The following PTPRU variants were observed in gnomAD, a reference collection of about 807,000 sequenced individuals.
The protein encoded by PTPRU is receptor-type tyrosine-protein phosphatase U.
In PTPRU, 69 loss-of-function variants were observed where a neutral mutation model predicts 166.3. That is an observed-to-expected ratio of 0.41 (90% CI 0.34 to 0.51). The LOEUF (loss-of-function observed/expected upper bound fraction) is 0.51. Ranked by LOEUF, PTPRU falls within the 20% of genes least tolerant of loss-of-function variation. PTPRU has a pLI of 0.09. For synonymous variants in PTPRU, 793 were observed against 814.0 expected, an observed-to-expected ratio of 0.97 and a Z score of 0.44; for missense variants, 1,657 against 2,013.7, an observed-to-expected ratio of 0.82 and a Z score of 3.39.
At chr1:29,258,330 A>T (rs1457046641) in intron 2 of PTPRU, among the ~76,000 whole-genome samples, 175 bp from the exon 3 acceptor site, 2 of 152,186 alleles carry the variant, frequency 1.3e-5, no homozygotes, top group Non-Finnish European at 2.9e-5. Flanking sequence ...TGTGGGAAAC[A>T]GATGCTAGGA....
At chr1:29,292,095 C>T (rs1008681864) in intron 15 of PTPRU, 69 bp downstream of exon 15, 6 of 1,572,956 alleles carry the variant, frequency 3.8e-6, no homozygotes, top group Non-Finnish European at 5.2e-6. Flanking sequence ...ATAGGGTCCC[C>T]ACATCAGGTG....
rs1442265819 is a variant in PTPRU, at chr1:29,238,561, C to T, written c.73+1844C>T. Among the ~76,000 whole-genome samples the T allele has an allele frequency of 5.9e-5, 9 of 152,340 alleles. No homozygotes were observed. The highest frequency in any genetic ancestry group is 1.3e-4 in the Admixed American group (2 of 15,314). On this transcript the variant is annotated intron_variant, in intron 1 of 29. Transcript: ENST00000373779. The surrounding 1 kb of genome is among the most constrained non-coding windows in gnomAD (Gnocchi z 6.1). ...TCTCGGGCCGGAACTCCTGTGGCTC[C>T]AGCGTTCGCGCCGGCCACTGGCCAG...
At position 29,257,934 on chromosome 1, in the gene PTPRU, G is replaced by A. The variant is rs1684843465; in HGVS notation, c.206-571G>A. 2.0e-5 allele frequency among the ~76,000 whole-genome samples: 3 copies of A among 151,454 alleles called. No homozygotes were observed. The South Asian group carries it at 6.3e-4, about 32-fold the overall frequency. On this transcript the variant is annotated intron_variant, in intron 2 of 29. Transcript: ENST00000373779. This position sits in a 1 kb window ranked among gnomAD's most constrained non-coding sequence, Gnocchi z 4.6. ...AAAGCTGTGGTTAGGCTGGGCATGG[G>A]CATTGTGACCTGTAGATTGTAAGGA...
chr1:29,297,052 GTT>G (rs35789721), intron 15 of PTPRU, among the ~76,000 whole-genome samples: 14 of 111,360 alleles, frequency 1.3e-4, no homozygotes, highest in Admixed American at 2.0e-4. Flanking sequence ...CTTAGTAGCT[GTT>G]TTTTTTTTTT....
At chr1:29,247,259 C>A (rs879507839) in intron 1 of PTPRU, among the ~76,000 whole-genome samples, 5 of 152,248 alleles carry the variant, frequency 3.3e-5, no homozygotes. Flanking sequence ...ACTGCAGTGG[C>A]GCGGTGTGCC....
In PTPRU at chr1:29,315,655, G is replaced by C; in HGVS notation, c.3363+148G>C. The C allele has an allele frequency of 8.3e-7, 1 of 1,197,698 alleles. No homozygotes were observed. The highest frequency in any genetic ancestry group is 1.2e-6 in the Non-Finnish European group (1 of 842,182). The allele number at this position is 1,197,698 out of a possible 1,614,324, so 74.2% of individuals were successfully genotyped here. A position where few individuals can be genotyped will look rare whatever the true frequency, so the allele number is the denominator to read the frequency against. ...CATCCCTGACCTTGGGCCGCCAACT[G>C]CATAGGGTCATCCTGAACTGCTCCC... On this transcript the variant is annotated intron_variant, in intron 23 of 29. Coordinates refer to ENST00000373779, the MANE Select transcript of PTPRU (RefSeq NM_133178.4). This position sits in a 1 kb window ranked among gnomAD's most constrained non-coding sequence, Gnocchi z 4.5.
chr1:29,295,491 G>A (rs1328381929), intron 15 of PTPRU, among the ~76,000 whole-genome samples: 1 of 152,008 alleles, frequency 6.6e-6, no homozygotes, highest in Non-Finnish European at 1.5e-5. Context: ...GATTTATATT[G>A]CCCCATTTAT....
intron 7 of PTPRU, among the ~76,000 whole-genome samples, chr1:29,265,025 T>G (rs1384938525): frequency 1.3e-5 from 2 of 152,244 alleles, no homozygotes; most frequent in African/African-American, 2.4e-5. Flanking sequence ...TCTGGGCTGG[T>G]TCCACTTTTT....
chr1:29,321,258 C>T (rs1229254466), intron 26 of PTPRU, among the ~76,000 whole-genome samples: 1 of 140,428 alleles, frequency 7.1e-6, no homozygotes, highest in Non-Finnish European at 1.5e-5. Context: ...CTGGACTGGT[C>T]TCGAACACCT....
In PTPRU at chr1:29,291,575, A is replaced by AG. The variant is rs1409936894; in HGVS notation, c.2319-289dup. Among the ~76,000 whole-genome samples, 1 of 152,168 alleles carries AG rather than the reference A, an allele frequency of 6.6e-6. No homozygotes were observed. The highest frequency in any genetic ancestry group is 2.4e-5 in the African/African-American group (1 of 41,444). On this transcript the variant is annotated intron_variant, in intron 14 of 29. Coordinates refer to ENST00000373779, the MANE Select transcript of PTPRU (RefSeq NM_133178.4). The surrounding 1 kb of genome is among the most constrained non-coding windows in gnomAD (Gnocchi z 4.1). Reference sequence around the variant, plus strand: ...ACTTTCTTTCCCATTTCCTAAGCCCAGGGGGCCAGTGAAACTTAGGAGTGA... The same window carrying AG: ...ACTTTCTTTCCCATTTCCTAAGCCCAGGGGGGCCAGTGAAACTTAGGAGTGA...
In PTPRU at chr1:29,260,461, T is replaced by G; in HGVS notation, c.851-149T>G. The G allele has an allele frequency of 1.7e-6, 1 of 598,192 alleles. No individual in the cohort carries two copies. 37.1% of individuals were successfully genotyped at this position (598,192 alleles called of 1,614,324 possible). A position where few individuals can be genotyped will look rare whatever the true frequency, so the allele number is the denominator to read the frequency against. On this transcript the variant is annotated intron_variant, in intron 6 of 29. Coordinates refer to ENST00000373779, the MANE Select transcript of PTPRU (RefSeq NM_133178.4). This position sits in a 1 kb window ranked among gnomAD's most constrained non-coding sequence, Gnocchi z 8.3. ...CTTAGGGCCCGGGATTTAGTGGGGG[T>G]AGGAGAGCGGGTCTGGTTGAGGGCT...
Position 29,311,470 on chromosome 1 carries a change from A to T in PTPRU, c.2872A>T (p.Met958Leu). The T allele has an allele frequency of 6.2e-7, 1 of 1,614,154 alleles. No homozygotes were observed. Among genetic ancestry groups the T allele is most frequent in the East Asian group, 2.2e-5 (1 of 44,870 alleles). Residue 958 changes from methionine to leucine, a missense_variant, in exon 20 of 30, where the codon ATG (methionine) becomes TTG (leucine). Around this residue, in one of 3 missense-constraint regions of PTPRU, gnomAD observed 1,190 missense variants for 1,477.4 expected, o/e 0.81. Transcript: ENST00000373779. This position sits in a 1 kb window ranked among gnomAD's most constrained non-coding sequence, Gnocchi z 4.1. Reference protein sequence around the residue: ...FIATQGPKPEMVYDFWRMVWQ... With the variant: ...FIATQGPKPELVYDFWRMVWQ... ...TGCATCCCCAGGGCCGAAGCCTGAG[A>T]TGGTCTATGACTTCTGGCGTATGGT... is the stretch of plus-strand genomic sequence containing the variant.
chr1:29,322,198 C>T (rs1014712925), intron 26 of PTPRU, among the ~76,000 whole-genome samples: 2 of 152,228 alleles, frequency 1.3e-5, no homozygotes, highest in Admixed American at 6.5e-5. Context: ...GAGGGAGGCT[C>T]ACAGAGATGT....
chr1:29,294,231 C>G (rs1488123897), intron 15 of PTPRU, among the ~76,000 whole-genome samples: 1 of 152,206 alleles, frequency 6.6e-6, no homozygotes, highest in African/African-American at 2.4e-5. Context: ...ACATCAAGAT[C>G]AAAATTTGCC....
In PTPRU at chr1:29,303,976, C is replaced by T. The variant is rs199628688; in HGVS notation, c.2598C>T (p.Val866=). ...GGCAGCTGCACCCTGCGGTGCGTGT[C>T]GCAGACCTTCTGCAGCACATCAACC... The part of the protein sequence containing the change: ...HTGQLHPAVR[V]ADLLQHINQM... The change falls in exon 16 of 30, where the codon GTC becomes GTT. Residue 866 remains valine (V), a synonymous_variant. Transcript: ENST00000373779. 9.1e-5 allele frequency: 147 copies of T among 1,613,610 alleles called. No individual in the cohort carries two copies. The highest frequency in any genetic ancestry group is 3.0e-4 in the Admixed American group (18 of 60,032).
chr1:29,277,803 C>CTTATTTTTTTT (rs1685875230), intron 8 of PTPRU, among the ~76,000 whole-genome samples: 1 of 50,564 alleles, frequency 2.0e-5, no homozygotes, highest in Non-Finnish European at 3.3e-5. Flanking sequence ...AGTTGTCATT[C>CTTATTTTTTTT]TTTTTTTTTT....
At chr1:29,283,903 G>T (rs775701332) in intron 12 of PTPRU, 37 bp from the exon 13 acceptor site, 2 of 1,613,704 alleles carry the variant, frequency 1.2e-6, no homozygotes, top group Admixed American at 1.7e-5. Flanking sequence ...AGAGGTCGGG[G>T]CTTCAGCAAC....
At chr1:29,276,271 C>T (rs1158300592) in intron 8 of PTPRU, among the ~76,000 whole-genome samples, 1 of 152,050 alleles carries the variant, frequency 6.6e-6, no homozygotes, top group Non-Finnish European at 1.5e-5. Flanking sequence ...ATCCTCCCAC[C>T]TCAGCCTCCT....
chr1:29,312,432 C>A (rs1302722081), intron 21 of PTPRU, 120 bp from the exon 22 acceptor site: 4 of 963,396 alleles, frequency 4.2e-6, no homozygotes, highest in African/African-American at 1.6e-5. Context: ...GTAAATTGAT[C>A]ATTGGGATTA....
Sources: allele counts gnomAD v4.1 joint callset (sites outside exome capture counted in the v4.1 genomes callset), GRCh38; gene constraint gnomAD v4.1.1; regional missense constraint gnomAD v4.1.1; non-coding constraint Gnocchi (gnomAD v3.1); transcripts MANE v1.5; gene names NCBI Gene and HGNC (gene_info 2026-07-23, HGNC 2026-07-21).